Variants in HMCN2 observed in about 807,000 individuals in gnomAD.
HMCN2 encodes hemicentin-2.
Under a neutral mutation model 377.5 loss-of-function variants are expected in HMCN2, and 325 were observed. That is an observed-to-expected ratio of 0.86 (90% CI 0.79 to 0.94). The LOEUF is 0.94. HMCN2 is among the 40% of genes least tolerant of loss of function. HMCN2 has a pLI of 0.00. For synonymous variants in HMCN2, 2,007 were observed against 2,046.8 expected (o/e 0.98, Z 0.53); for missense variants, 4,543 against 4,725.3 (o/e 0.96, Z 1.13).
At position 130,308,582 on chromosome 9, in the gene HMCN2, G is replaced by A. The variant is rs1837031560; in HGVS notation, c.2200+1016G>A. ...CATCAGAGCCTCACCCTGACTCTGA[G>A]AAAGGCAGGGCAGGTGATATTAGCT... On this transcript the variant is annotated intron_variant, in intron 14 of 97. Transcript: ENST00000683500. This position sits in a 1 kb window ranked among gnomAD's most constrained non-coding sequence, Gnocchi z 4.1. Among the ~76,000 whole-genome samples, 1 of 152,174 alleles carries A rather than the reference G, an allele frequency of 6.6e-6. No homozygotes were observed. The highest frequency in any genetic ancestry group is 2.1e-4 in the South Asian group (1 of 4,824).
chr9:130,354,785 C>T lies in HMCN2; in HGVS notation c.4887C>T (p.Ala1629=), dbSNP rs975390095. Residue 1629 remains alanine (A), a synonymous_variant, in exon 32 of 98, where the codon GCC becomes GCT. Coordinates refer to ENST00000683500, the MANE Select transcript of HMCN2 (RefSeq NM_001291815.2). ...DVYVPPTIEG[A]GGRPYVVKAV... Reference sequence around the variant, plus strand: ...CAGTCCCACCTACCATCGAGGGCGCCGGTGGAAGACCATACGTGGTGAAGG... The same window carrying T: ...CAGTCCCACCTACCATCGAGGGCGCTGGTGGAAGACCATACGTGGTGAAGG... 1.3e-5 allele frequency: 17 copies of T among 1,301,950 alleles called. No homozygotes were observed. Among genetic ancestry groups the T allele is most frequent in the East Asian group, 1.1e-4 (2 of 17,982 alleles). 80.6% of individuals were successfully genotyped at this position (1,301,950 alleles called of 1,614,324 possible). A position where few individuals can be genotyped will look rare whatever the true frequency, so the allele number is the denominator to read the frequency against.
rs528792652 is a variant in HMCN2, at chr9:130,348,589, G to T, written c.4069G>T (p.Gly1357Cys). 1.0e-4 allele frequency: 131 copies of T among 1,304,294 alleles called. 1 individual carries two copies. The East Asian group carries it at 4.9e-3, about 49-fold the overall frequency. The allele number at this position is 1,304,294 out of a possible 1,614,324, so 80.8% of individuals were successfully genotyped here. A position where few individuals can be genotyped will look rare whatever the true frequency, so the allele number is the denominator to read the frequency against. ...GGACGGGCGCAAGGCCAACGTGTCGGGTATGGCCGGGCAGTCCCTGACGCT... is the reference window on the plus strand; with the variant it reads ...GGACGGGCGCAAGGCCAACGTGTCGTGTATGGCCGGGCAGTCCCTGACGCT... ...REDGRKANVS[G>C]MAGQSLTLEC... Residue 1357 changes from glycine (G) to cysteine (C), a missense_variant, in exon 27 of 98, where the codon GGT (glycine) becomes TGT (cysteine). Transcript: ENST00000683500.
Position 130,351,698 on chromosome 9 carries a change from A to T in HMCN2, c.4585+121A>T. ...TGGGGGACCTGGTGAGTGATCCCTG[A>T]GTCCAAGAAAGCTGGGGGCTGGGGT... On this transcript the variant is annotated intron_variant, in intron 30 of 97. Transcript: ENST00000683500. The surrounding 1 kb of genome is among the most constrained non-coding windows in gnomAD (Gnocchi z 5.4). 2.7e-5 allele frequency: 20 copies of T among 735,424 alleles called. No individual in the cohort carries two copies. Among genetic ancestry groups the T allele is most frequent in the Non-Finnish European group, 3.6e-5 (19 of 533,066 alleles). 45.6% of individuals were successfully genotyped at this position (735,424 alleles called of 1,614,324 possible).
intron 29 of HMCN2, among the ~76,000 whole-genome samples, chr9:130,349,899 T>C (rs968686993): frequency 5.9e-5 from 8 of 134,890 alleles, no homozygotes; most frequent in Non-Finnish European, 1.3e-4. Flanking sequence ...TTTTTTTTTT[T>C]TTTTTTTTTT....
At chr9:130,385,500 C>A in intron 59 of HMCN2, 60 bp from the exon 60 acceptor site, 1 of 1,202,410 alleles carries the variant, frequency 8.3e-7, no homozygotes, top group Non-Finnish European at 1.1e-6. Context: ...TTCCCTGTGG[C>A]TGAGTGGGGA....
chr9:130,415,772 G>A (rs543120790), intron 85 of HMCN2, among the ~76,000 whole-genome samples: 49 of 152,322 alleles, frequency 3.2e-4, no homozygotes, highest in African/African-American at 1.1e-3. Flanking sequence ...CAGCCTGTCC[G>A]TGGCTCCTTC....
chr9:130,344,607 G>GTGTT lies in HMCN2; in HGVS notation c.3829+2172_3829+2175dup, dbSNP rs1180787083. Among the ~76,000 whole-genome samples, 10 of 150,558 alleles carry GTGTT rather than the reference G, an allele frequency of 6.6e-5. No homozygotes were observed. The South Asian group carries it at 1.1e-3, about 16-fold the overall frequency. ...TTTGTATGTTGTGTGTATGTGTATG[G>GTGTT]TGTTGTGTGTAGTGTGTGATGTGTG... On this transcript the variant is annotated intron_variant, in intron 25 of 97. Coordinates refer to ENST00000683500, the MANE Select transcript of HMCN2 (RefSeq NM_001291815.2).
intron 77 of HMCN2, among the ~76,000 whole-genome samples, chr9:130,402,448 G>T (rs933632851): frequency 1.3e-5 from 2 of 152,264 alleles, no homozygotes; most frequent in Non-Finnish European, 2.9e-5. Context: ...ATGACAGGAT[G>T]TGGAACTGTG....
intron 36 of HMCN2, among the ~76,000 whole-genome samples, chr9:130,358,840 AT>A (rs1224522579): frequency 6.6e-6 from 1 of 151,932 alleles, no homozygotes. Context: ...CGTCTGGCTA[AT>A]TTTTTTGTAT....
In HMCN2 at chr9:130,349,571, G is replaced by A; in HGVS notation, c.4338G>A (p.Gln1446=). The A allele has an allele frequency of 7.7e-7, 1 of 1,303,812 alleles. No homozygotes were observed. The highest frequency in any genetic ancestry group is 1.0e-6 in the Non-Finnish European group (1 of 988,878). The allele number at this position is 1,303,812 out of a possible 1,614,324, so 80.8% of individuals were successfully genotyped here. ...CCGTGCTTGGAGCCGGGGCCGCTCA[G>A]GAGGTGCTAGGATTGGCCGGTGCAG... ...PPSVLGAGAA[Q]EVLGLAGADV... Residue 1446 remains glutamine (Q), a synonymous_variant, in exon 29 of 98, where the codon CAG becomes CAA. Coordinates refer to ENST00000683500, the MANE Select transcript of HMCN2 (RefSeq NM_001291815.2).
intron 1 of HMCN2, among the ~76,000 whole-genome samples, chr9:130,283,702 G>A (rs1554926554): frequency 6.6e-6 from 1 of 152,104 alleles, no homozygotes; most frequent in Non-Finnish European, 1.5e-5. Flanking sequence ...TTTGCGTCTG[G>A]CTTCTCTCGC....
At chr9:130,290,870 A>G (rs1272724935) in intron 4 of HMCN2, among the ~76,000 whole-genome samples, 2 of 152,034 alleles carry the variant, frequency 1.3e-5, no homozygotes, top group Non-Finnish European at 2.9e-5. Flanking sequence ...CTGAAAAAAA[A>G]AAAAAAAAAA....
Position 130,274,999 on chromosome 9 carries a change from G to A in HMCN2, c.259+8862G>A, listed in dbSNP as rs558906777. On this transcript the variant is annotated intron_variant, in intron 1 of 97. Coordinates refer to ENST00000683500, the MANE Select transcript of HMCN2 (RefSeq NM_001291815.2). ...ATAAAATTGCTTTGTTAAAGTATAG[G>A]AGCATTTTCCATTTGGAAAGACACC... Among the ~76,000 whole-genome samples, 3 of 152,290 alleles carry A rather than the reference G, an allele frequency of 2.0e-5. No individual in the cohort carries two copies. The South Asian group carries it at 6.2e-4, about 32-fold the overall frequency.
intron 25 of HMCN2, among the ~76,000 whole-genome samples, chr9:130,346,074 A>G (rs1376292849): frequency 2.0e-5 from 3 of 152,060 alleles, no homozygotes; most frequent in Non-Finnish European, 4.4e-5. Flanking sequence ...AGTCCTGATG[A>G]CCAGCGGTAG....
At chr9:130,328,118 G>C (rs959193721) in intron 22 of HMCN2, among the ~76,000 whole-genome samples, 18 of 152,328 alleles carry the variant, frequency 1.2e-4, no homozygotes, top group South Asian at 2.1e-4. Context: ...GAAGGTCTCG[G>C]AGCAGCCTGC....
Position 130,403,190 on chromosome 9 carries a change from G to A in HMCN2, c.11879-4G>A. ...AGGGCCCTCTGCACCCCCGTCCTTT[G>A]TAGCCTCCCCGGTGGTGAAGCCGCT... On this transcript the variant is annotated splice_region_variant and splice_polypyrimidine_tract_variant and intron_variant, in intron 78 of 97. Transcript: ENST00000683500. 7.8e-7 allele frequency: 1 copy of A among 1,288,586 alleles called. No individual in the cohort carries two copies. Among genetic ancestry groups the A allele is most frequent in the Non-Finnish European group, 1.0e-6 (1 of 988,054 alleles). The allele number at this position is 1,288,586 out of a possible 1,614,324, so 79.8% of individuals were successfully genotyped here.
At chr9:130,283,416 C>G (rs1313303916) in intron 1 of HMCN2, among the ~76,000 whole-genome samples, 2 of 150,088 alleles carry the variant, frequency 1.3e-5, no homozygotes. Flanking sequence ...CCTCCCACCC[C>G]CAACCCACCC....
rs550578913 is a variant in HMCN2, at chr9:130,304,789, G to A, written c.1603G>A (p.Val535Ile). The A allele has an allele frequency of 5.3e-5, 25 of 471,212 alleles. No individual in the cohort carries two copies. Among genetic ancestry groups the A allele is most frequent in the African/African-American group, 4.4e-4 (22 of 50,190 alleles). 29.2% of individuals were successfully genotyped at this position (471,212 alleles called of 1,614,324 possible). ...NVTVSPGETAVLSCRVLGEAP... is the reference protein window; with the variant it reads ...NVTVSPGETAILSCRVLGEAP... ...GACCGTGTCCCCAGGGGAGACTGCC[G>A]TCCTATCCTGCCGGGTCCTAGGCGA... The change falls in exon 11 of 98, where the codon GTC (valine) becomes ATC (isoleucine). Residue 535 changes from valine to isoleucine, a missense_variant. Val to Ile is a conservative substitution (Grantham distance 29). Transcript: ENST00000683500. The surrounding 1 kb of genome is among the most constrained non-coding windows in gnomAD (Gnocchi z 4.3).
rs547550798 is a variant in HMCN2, at chr9:130,390,672, G to A, written c.9524-305G>A. Among the ~76,000 whole-genome samples the A allele has an allele frequency of 9.9e-5, 15 of 152,254 alleles. No individual in the cohort carries two copies. In the South Asian group the frequency reaches 2.9e-3, roughly 29 times the overall value. On this transcript the variant is annotated intron_variant, in intron 62 of 97. Coordinates refer to ENST00000683500, the MANE Select transcript of HMCN2 (RefSeq NM_001291815.2). ...GAAACCTTGATAGACAGGGGTAGAG[G>A]GGCAGGGCATGGAGGGAGAAAGCAA...
Sources: gnomAD v4.1 joint callset for allele counts (sites outside exome capture counted in the v4.1 genomes callset) on GRCh38, gnomAD v4.1.1 for gene constraint, Gnocchi (gnomAD v3.1) non-coding constraint, MANE v1.5 for transcripts, NCBI Gene and HGNC (gene_info 2026-07-23, HGNC 2026-07-21) for gene names.